The following ACVR1C variants were observed in gnomAD, a reference collection of about 807,000 sequenced individuals.
ACVR1C encodes the protein activin receptor type-1C.
A neutral mutation model predicts 57.9 loss-of-function variants in ACVR1C; 23 were observed. The observed-to-expected ratio is 0.40, with a 90% confidence interval of 0.29 to 0.56. The LOEUF (loss-of-function observed/expected upper bound fraction) is 0.56, where lower values mean the gene tolerates loss of function less well. ACVR1C is among the 20% of genes least tolerant of loss of function. ACVR1C has a pLI of 0.50. For synonymous variants in ACVR1C, 214 were observed against 215.3 expected (o/e 0.99, Z 0.05); for missense variants, 480 against 607.9 (o/e 0.79, Z 2.21).
chr2:157,627,264 A>G (rs1223942693), intron 1 of ACVR1C, among the ~76,000 whole-genome samples: 1 of 152,174 alleles, frequency 6.6e-6, no homozygotes, highest in Non-Finnish European at 1.5e-5. Flanking sequence ...CCAAGTTAGC[A>G]GAGTTTTCAC....
intron 1 of ACVR1C, among the ~76,000 whole-genome samples, chr2:157,601,333 TA>T (rs1019200222): frequency 9.9e-5 from 15 of 151,504 alleles, no homozygotes; most frequent in African/African-American, 2.7e-4. Flanking sequence ...AAAATAAAAA[TA>T]AAAAAAATAA....
chr2:157,595,724 T>C (rs546266847), intron 1 of ACVR1C, among the ~76,000 whole-genome samples: 1 of 152,262 alleles, frequency 6.6e-6, no homozygotes, highest in South Asian at 2.1e-4. Context: ...TCCAACCTCA[T>C]CTCTCATAAC....
intron 8 of ACVR1C, among the ~76,000 whole-genome samples, chr2:157,534,613 ATAC>A: frequency 6.6e-6 from 1 of 152,352 alleles, no homozygotes; most frequent in South Asian, 2.1e-4. Flanking sequence ...AATGTAAATT[ATAC>A]TACAATAAAA....
chr2:157,556,023 T>A (rs1416410121), intron 3 of ACVR1C, 70 bp downstream of exon 3: 1 of 1,503,276 alleles, frequency 6.7e-7, no homozygotes, highest in African/African-American at 1.4e-5. Flanking sequence ...CCCTTTTTGT[T>A]AAAAAGTTTT....
rs571762788 is a variant in ACVR1C, at chr2:157,613,274, C to G, written c.73+15298G>C. Among the ~76,000 whole-genome samples, 9 of 152,252 alleles carry G rather than the reference C, an allele frequency of 5.9e-5. No individual in the cohort carries two copies. In the South Asian group the frequency reaches 1.7e-3, roughly 28 times the overall value. ...GTGTGATTATCTCTTTGCAATTTTGCTTCTTCTTTCTGGGGAGGGTGAGTG... is the reference window on the plus strand; with the variant it reads ...GTGTGATTATCTCTTTGCAATTTTGGTTCTTCTTTCTGGGGAGGGTGAGTG... On this transcript the variant is annotated intron_variant, in intron 1 of 8. Transcript: ENST00000243349.
intron 2 of ACVR1C, among the ~76,000 whole-genome samples, chr2:157,556,664 T>TG: frequency 7.1e-6 from 1 of 141,194 alleles, no homozygotes; most frequent in Non-Finnish European, 1.5e-5. Flanking sequence ...ACACTTTTTT[T>TG]TTTTTTTTTT....
At chr2:157,598,578 C>T (rs564431681) in intron 1 of ACVR1C, among the ~76,000 whole-genome samples, 5 of 145,580 alleles carry the variant, frequency 3.4e-5, no homozygotes, top group Non-Finnish European at 7.5e-5. Flanking sequence ...CTCACTCTGT[C>T]ACCCAGGCTG....
rs537827752 is a variant in ACVR1C, at chr2:157,606,165, A to C, written c.74-18748T>G. On this transcript the variant is annotated intron_variant, in intron 1 of 8. Transcript: ENST00000243349. ...TTTTATGGCTGAACAATATTCCATC[A>C]TGTATATATATATCACATTTTCTTT... 6.6e-5 allele frequency among the ~76,000 whole-genome samples: 10 copies of C among 151,688 alleles called. No homozygotes were observed. In the South Asian group the frequency reaches 1.0e-3, roughly 16 times the overall value.
intron 1 of ACVR1C, among the ~76,000 whole-genome samples, chr2:157,589,200 T>C (rs983416113): frequency 6.6e-6 from 1 of 151,856 alleles, no homozygotes; most frequent in Non-Finnish European, 1.5e-5. Flanking sequence ...ACATCTATTG[T>C]TTTTTGACTT....
intron 2 of ACVR1C, among the ~76,000 whole-genome samples, chr2:157,562,025 G>A (rs533450227): frequency 2.0e-5 from 3 of 152,198 alleles, no homozygotes; most frequent in East Asian, 3.9e-4. Context: ...GGCTGGGTGC[G>A]GTGGCTCACG....
At chr2:157,540,669 T>C (rs1197533084) in intron 7 of ACVR1C, among the ~76,000 whole-genome samples, 1 of 152,140 alleles carries the variant, frequency 6.6e-6, no homozygotes, top group East Asian at 1.9e-4. Flanking sequence ...TCCCATACCT[T>C]TATCCAACCC....
chr2:157,577,748 A>G (rs925467958), intron 2 of ACVR1C, among the ~76,000 whole-genome samples: 1 of 152,168 alleles, frequency 6.6e-6, no homozygotes, highest in Admixed American at 6.5e-5. Context: ...TCTACATTAA[A>G]TTATTTACAT....
chr2:157,592,539 G>A lies in ACVR1C; in HGVS notation c.74-5122C>T, dbSNP rs369953748. ...CTGCTACATGTTCCCATTTATTCCA[G>A]TTCAACTGGCAGTATGATAGGACTG... On this transcript the variant is annotated intron_variant, in intron 1 of 8. Coordinates refer to ENST00000243349, the MANE Select transcript of ACVR1C (RefSeq NM_145259.3). 4.1e-4 allele frequency among the ~76,000 whole-genome samples: 62 copies of A among 152,124 alleles called. No homozygotes were observed. The South Asian group carries it at 0.013, about 32-fold the overall frequency.
intron 1 of ACVR1C, among the ~76,000 whole-genome samples, chr2:157,623,849 G>A (rs1682839149): frequency 6.6e-6 from 1 of 151,874 alleles, no homozygotes; most frequent in South Asian, 2.1e-4. Flanking sequence ...AACATCTCAT[G>A]TACCCCATAC....
rs967352425 is a variant in ACVR1C at position 157,624,859 on chromosome 2, C to T, written c.73+3713G>A. 2.0e-5 allele frequency among the ~76,000 whole-genome samples: 3 copies of T among 152,202 alleles called. No individual in the cohort carries two copies. The South Asian group carries it at 6.2e-4, about 32-fold the overall frequency. Reference sequence around the variant, plus strand: ...TGGTTTGCAAGATAAAAGTACAGAACACCCAGTTAAATTGGAATTAAACAG... The same window carrying T: ...TGGTTTGCAAGATAAAAGTACAGAATACCCAGTTAAATTGGAATTAAACAG... On this transcript the variant is annotated intron_variant, in intron 1 of 8. Transcript: ENST00000243349.
chr2:157,610,335 A>G (rs1682504749), intron 1 of ACVR1C, among the ~76,000 whole-genome samples: 1 of 151,964 alleles, frequency 6.6e-6, no homozygotes, highest in African/African-American at 2.4e-5. Context: ...TTGTGTATCA[A>G]TTTTCTTCTT....
chr2:157,588,821 T>C (rs1688988194), intron 1 of ACVR1C, among the ~76,000 whole-genome samples: 1 of 138,666 alleles, frequency 7.2e-6, no homozygotes, highest in African/African-American at 2.6e-5. Flanking sequence ...GCCACACATA[T>C]ATACACAAAT....
At chr2:157,554,382 GGGAA>G (rs375436705) in intron 3 of ACVR1C, among the ~76,000 whole-genome samples, 2,073 of 146,420 alleles carry the variant, frequency 0.014, 57 homozygotes, top group African/African-American at 0.045. Context: ...GAGGGAGGGA[GGGAA>G]GGAAGGAAGG....
In ACVR1C at chr2:157,621,996, C is replaced by T. The variant is rs775950004; in HGVS notation, c.73+6576G>A. On this transcript the variant is annotated intron_variant, in intron 1 of 8. Transcript: ENST00000243349. ...TGTTTCACCTCCTTTTTCTAGATGTCACCTCTTAACTGAAGATGAGACTCA... is the reference window on the plus strand; with the variant it reads ...TGTTTCACCTCCTTTTTCTAGATGTTACCTCTTAACTGAAGATGAGACTCA... Among the ~76,000 whole-genome samples, 43 of 152,250 alleles carry T rather than the reference C, an allele frequency of 2.8e-4. 1 individual carries two copies. The highest frequency in any genetic ancestry group is 1.3e-4 in the Non-Finnish European group (9 of 68,002).
Sources: allele counts gnomAD v4.1 joint callset (sites outside exome capture counted in the v4.1 genomes callset), GRCh38; gene constraint gnomAD v4.1.1; transcripts MANE v1.5; gene names NCBI Gene and HGNC (gene_info 2026-07-23, HGNC 2026-07-21).